KCNH3: variants seen among roughly 807,000 people sequenced by gnomAD.
KCNH3 encodes the protein potassium voltage-gated channel subfamily H member 3, also known as voltage-gated inwardly rectifying potassium channel KCNH3.
A neutral mutation model predicts 95.6 loss-of-function variants in KCNH3; 36 were observed. The ratio of observed to expected loss-of-function variants is 0.38; its 90% CI spans 0.29 to 0.50. KCNH3 has a LOEUF of 0.50. Among genes scored for constraint, KCNH3 ranks in the 20% least tolerant of loss-of-function variants. The pLI is 0.95. For missense variants in KCNH3, 1,030 were observed against 1,484.1 expected (o/e 0.69, Z 5.03); for synonymous variants, 620 against 646.3 (o/e 0.96, Z 0.62).
At position 49,557,694 on chromosome 12, in the gene KCNH3, C is replaced by A. The variant is rs1406015370; in HGVS notation, c.2993C>A (p.Ser998Ter). 1 of 1,613,884 alleles carries A rather than the reference C, an allele frequency of 6.2e-7. No homozygotes were observed. The highest frequency in any genetic ancestry group is 2.2e-5 in the East Asian group (1 of 44,870). ...PRATAFWTST[S>*]DSEPPASGDL... ...GCCACAGCTTTCTGGACCTCCACCT[C>A]AGACTCAGAGCCCCCTGCCTCAGGA... The change falls in exon 15 of 15, where the codon TCA (serine) becomes TAA (stop). Residue 998 changes from serine to a stop codon, truncating the protein, a stop_gained. Coordinates refer to ENST00000257981, the MANE Select transcript of KCNH3 (RefSeq NM_012284.3). LOFTEE classifies it high-confidence loss of function.
rs752131549 is a variant in KCNH3, at chr12:49,555,719, G to A, written c.2236G>A (p.Ala746Thr). Residue 746 changes from alanine (A) to threonine (T), a missense_variant, in exon 12 of 15, where the codon GCT becomes ACT. Physicochemically the swap from Ala to Thr is moderately conservative, Grantham distance 58. This residue lies in a region of KCNH3 where 464 missense variants were observed against 493.2 expected (regional missense o/e 0.94). Coordinates refer to ENST00000257981, the MANE Select transcript of KCNH3 (RefSeq NM_012284.3). ...GGGCCCCACGGTCTCCCCAGCCCCA[G>A]CTGATGAGCCCTCCAGCCCCCTGCT... ...EQGPTVSPAP[A>T]DEPSSPLLSP... 3 of 1,613,036 alleles carry A rather than the reference G, an allele frequency of 1.9e-6. No individual in the cohort carries two copies. Among genetic ancestry groups the A allele is most frequent in the Non-Finnish European group, 2.5e-6 (3 of 1,179,618 alleles).
intron 14 of KCNH3, 41 bp downstream of exon 14, chr12:49,557,300 G>A (rs1391104348): frequency 1.9e-6 from 3 of 1,613,700 alleles, no homozygotes; most frequent in East Asian, 2.2e-5. Context: ...GGCACCAGGG[G>A]AAGGCACTCC....
chr12:49,542,131 C>G (rs955893673), intron 3 of KCNH3, among the ~76,000 whole-genome samples: 5 of 152,190 alleles, frequency 3.3e-5, no homozygotes, highest in Non-Finnish European at 5.9e-5. Context: ...TGGGCAAAGC[C>G]TGCTTTTAAG....
In KCNH3 at chr12:49,557,932, G is replaced by A; in HGVS notation, c.3231G>A (p.Gln1077=). ...CHGSGTVQWT[Q]EEGTGV is the part of the protein sequence containing the mutation. ...GCTCTGGCACAGTCCAGTGGACCCA[G>A]GAAGAAGGCACAGGGGTCTGAGTAC... Residue 1077 remains glutamine, a synonymous_variant, in exon 15 of 15, where the codon CAG becomes CAA. Transcript: ENST00000257981. 1.3e-6 allele frequency: 2 copies of A among 1,508,598 alleles called. No homozygotes were observed. Among genetic ancestry groups the A allele is most frequent in the East Asian group, 2.3e-5 (1 of 43,816 alleles). The allele number at this position is 1,508,598 out of a possible 1,614,324, so 93.5% of individuals were successfully genotyped here. A position where few individuals can be genotyped will look rare whatever the true frequency, so the allele number is the denominator to read the frequency against.
chr12:49,554,961 G>A (rs879708160), intron 11 of KCNH3, among the ~76,000 whole-genome samples: 1 of 152,138 alleles, frequency 6.6e-6, no homozygotes, highest in Non-Finnish European at 1.5e-5. Flanking sequence ...ATTGTTCTGA[G>A]GGGCTTTTGA....
At chr12:49,547,035 C>T (rs1055361981) in intron 7 of KCNH3, among the ~76,000 whole-genome samples, 1 of 151,836 alleles carries the variant, frequency 6.6e-6, no homozygotes, top group Non-Finnish European at 1.5e-5. Flanking sequence ...GCTGGGATTA[C>T]AGGCATGCGC....
chr12:49,553,696 G>A (rs953197864), intron 10 of KCNH3, among the ~76,000 whole-genome samples: 1 of 152,198 alleles, frequency 6.6e-6, no homozygotes, highest in Non-Finnish European at 1.5e-5. Flanking sequence ...TAACCTGCCT[G>A]TGGGAAAACC....
chr12:49,548,139 C>CGT (rs1938130475), intron 7 of KCNH3, among the ~76,000 whole-genome samples: 4 of 141,492 alleles, frequency 2.8e-5, no homozygotes, highest in Admixed American at 2.1e-4. Flanking sequence ...TGTGTGCGCG[C>CGT]GCACCTGTGT....
chr12:49,540,909 C>G lies in KCNH3; in HGVS notation c.87C>G (p.Phe29Leu). 2 of 1,614,058 alleles carry G rather than the reference C, an allele frequency of 1.2e-6. No homozygotes were observed. The highest frequency in any genetic ancestry group is 1.7e-6 in the Non-Finnish European group (2 of 1,179,952). Residue 29 changes from phenylalanine (F) to leucine (L), a missense_variant, in exon 2 of 15, where the codon TTC becomes TTG. Phe to Leu is a conservative substitution (Grantham distance 22). Transcript: ENST00000257981. The stretch of plus-strand genomic sequence containing the variant: ...AGTGCTCTCTTGCAGACAGTAACTT[C>G]GTGCTGGGCAACGCCCAGGTGGCGG... ...ATRFDGTHSN[F>L]VLGNAQVAGL...
chr12:49,548,131 TGTGC>T (rs1284610084), intron 7 of KCNH3, among the ~76,000 whole-genome samples: 7 of 139,658 alleles, frequency 5.0e-5, no homozygotes, highest in African/African-American at 1.7e-4. Context: ...TGTGTGTGTG[TGTGC>T]GCGCGCACCT....
In KCNH3 at chr12:49,541,655, T is replaced by C; in HGVS notation, c.336T>C (p.Asp112=). The C allele has an allele frequency of 1.2e-6, 2 of 1,614,200 alleles. No individual in the cohort carries two copies. The highest frequency in any genetic ancestry group is 1.1e-5 in the South Asian group (1 of 91,078). ...GGCTCCCGTTCTGGTGTCTCCTGGA[T>C]GTGATACCCATAAAGAATGAGAAAG... ...KSGLPFWCLL[D]VIPIKNEKGE... Residue 112 remains aspartate, a synonymous_variant, in exon 3 of 15, where the codon GAT becomes GAC. Transcript: ENST00000257981.
intron 12 of KCNH3, chr12:49,556,168 C>T (rs1938435346): frequency 1.7e-6 from 1 of 600,184 alleles, no homozygotes; most frequent in Admixed American, 2.9e-5. Context: ...TGAACTCTTG[C>T]ATCTCATGCT....
intron 11 of KCNH3, among the ~76,000 whole-genome samples, 163 bp from the exon 12 acceptor site, chr12:49,555,457 A>C (rs1938405226): frequency 6.6e-6 from 1 of 151,872 alleles, no homozygotes; most frequent in African/African-American, 2.4e-5. Context: ...AAAAAAAAAA[A>C]AAAAAGATAG....
At chr12:49,550,043 T>TGGCCCCCCC in intron 9 of KCNH3, 37 bp from the exon 10 acceptor site, 11 of 1,299,540 alleles carry the variant, frequency 8.5e-6, no homozygotes, top group Non-Finnish European at 1.2e-5. Flanking sequence ...CTTCTGCCAC[T>TGGCCCCCCC]CCCAACCCCC....
At chr12:49,542,637 A>G (rs761729743) in intron 3 of KCNH3, 69 bp from the exon 4 acceptor site, 55 of 1,496,700 alleles carry the variant, frequency 3.7e-5, no homozygotes, top group Non-Finnish European at 4.6e-5. Context: ...ACTGTGTCCT[A>G]CACCTGACCC....
rs1465424136 is a variant in KCNH3, at chr12:49,539,806, T to A, written c.76+314T>A. ...GTCTGACCCATCCCACCCCTGCGTC[T>A]GGCGCTGTCGCAGCAACTACCCTCG... is the stretch of plus-strand genomic sequence containing the variant. On this transcript the variant is annotated intron_variant, in intron 1 of 14. Coordinates refer to ENST00000257981, the MANE Select transcript of KCNH3 (RefSeq NM_012284.3). The surrounding 1 kb of genome is among the most constrained non-coding windows in gnomAD (Gnocchi z 6.7). Among the ~76,000 whole-genome samples, 1 of 152,192 alleles carries A rather than the reference T, an allele frequency of 6.6e-6. No homozygotes were observed. The highest frequency in any genetic ancestry group is 1.5e-5 in the Non-Finnish European group (1 of 68,028).
chr12:49,556,099 G>A, intron 12 of KCNH3, 148 bp downstream of exon 12: 1 of 597,706 alleles, frequency 1.7e-6, no homozygotes, highest in Non-Finnish European at 3.0e-6. Flanking sequence ...GAAGCCTTCT[G>A]TGCTCCTCCT....
At chr12:49,543,684 G>C in intron 5 of KCNH3, 166 bp downstream of exon 5, 3 of 1,087,458 alleles carry the variant, frequency 2.8e-6, no homozygotes, top group Non-Finnish European at 3.9e-6. Context: ...CTGCCACTTA[G>C]AAGTTATATG....
chr12:49,549,193 T>G lies in KCNH3; in HGVS notation c.1468+20T>G. On this transcript the variant is annotated intron_variant, in intron 8 of 14. Transcript: ENST00000257981. Reference sequence around the variant, plus strand: ...TCGGCGGTGAGCCCGGCCGCGCGCGTCTTCCCGGGGCCACTCCCAGACTTC... The same window carrying G: ...TCGGCGGTGAGCCCGGCCGCGCGCGGCTTCCCGGGGCCACTCCCAGACTTC... The G allele has an allele frequency of 6.4e-7, 1 of 1,564,510 alleles. No homozygotes were observed. The highest frequency in any genetic ancestry group is 8.7e-7 in the Non-Finnish European group (1 of 1,153,464).
Sources: gnomAD v4.1 joint callset for allele counts (sites outside exome capture counted in the v4.1 genomes callset) on GRCh38, gnomAD v4.1.1 for gene constraint, gnomAD v4.1.1 regional missense constraint, Gnocchi (gnomAD v3.1) non-coding constraint, MANE v1.5 for transcripts, NCBI Gene and HGNC (gene_info 2026-07-23, HGNC 2026-07-21) for gene names.